The following PCDHA10 variants were observed in gnomAD, a reference collection of about 807,000 sequenced individuals.
PCDHA10 encodes protocadherin alpha-10.
In PCDHA10, 45 loss-of-function variants were observed where a neutral mutation model predicts 61.2. That is an observed-to-expected ratio of 0.74 (90% confidence interval 0.58 to 0.94). The LOEUF (loss-of-function observed/expected upper bound fraction) is 0.94. PCDHA10 is among the 40% of genes least tolerant of loss of function. The probability of loss-of-function intolerance (pLI) is 0.00; values close to 1 mark genes in which losing one functional copy is unlikely to be tolerated. For missense variants in PCDHA10, 1,278 were observed against 1,236.2 expected (o/e 1.03, Z -0.51); for synonymous variants, 602 against 548.8 (o/e 1.10, Z -1.35).
At position 140,892,638 on chromosome 5, in the gene PCDHA10, T is replaced by C. The variant is rs151070567; in HGVS notation, c.2388+34202T>C. Among the ~76,000 whole-genome samples the C allele has an allele frequency of 1.2e-4, 19 of 152,324 alleles. No homozygotes were observed. The East Asian group carries it at 2.5e-3, about 20-fold the overall frequency. ...CCAGTTGGTACATAATAATTGTACA[T>C]ATTTATAGGATACAGAGTGACATTT... is the stretch of plus-strand genomic sequence containing the variant. On this transcript the variant is annotated intron_variant, in intron 1 of 3. Transcript: ENST00000307360.
intron 1 of PCDHA10, chr5:140,967,445 C>T (rs782571799): frequency 3.1e-6 from 5 of 1,613,550 alleles, no homozygotes; most frequent in Non-Finnish European, 4.2e-6. Flanking sequence ...CCACCTGGTT[C>T]TCACAGCCGT....
At chr5:140,968,446 C>T in intron 1 of PCDHA10, 1 of 1,614,046 alleles carries the variant, frequency 6.2e-7, no homozygotes, top group Non-Finnish European at 8.5e-7. Context: ...CACCACTGAG[C>T]AGCACTGTGA....
chr5:140,870,627 G>C, intron 1 of PCDHA10: 4 of 1,613,028 alleles, frequency 2.5e-6, no homozygotes, highest in Non-Finnish European at 3.4e-6. Context: ...GCTACGTGTC[G>C]GTGCACGCGG....
chr5:140,983,275 A>C (rs1279699182), intron 3 of PCDHA10, among the ~76,000 whole-genome samples: 1 of 152,230 alleles, frequency 6.6e-6, no homozygotes, highest in Non-Finnish European at 1.5e-5. Flanking sequence ...TGGCTGGGTG[A>C]GTATAGGAAA....
chr5:140,860,428 T>A (rs1198179293), intron 1 of PCDHA10: 8 of 152,144 alleles, frequency 5.3e-5, no homozygotes, highest in African/African-American at 1.4e-4. Context: ...ATCCTGCAAA[T>A]ATGATCTTTT....
chr5:140,895,692 A>G (rs1367486030), intron 1 of PCDHA10, among the ~76,000 whole-genome samples: 1 of 152,138 alleles, frequency 6.6e-6, no homozygotes, highest in African/African-American at 2.4e-5. Flanking sequence ...CTGTTTCTAT[A>G]TTAATTCACT....
rs560247030 is a variant in PCDHA10, at chr5:140,910,414, C to T, written c.2388+51978C>T. On this transcript the variant is annotated intron_variant, in intron 1 of 3. Transcript: ENST00000307360. ...GACTGGCCCCTGCCACCTCGAGATC[C>T]AATTATTCCCATTGCATTTAAGTTT... Among the ~76,000 whole-genome samples the T allele has an allele frequency of 2.6e-5, 4 of 152,258 alleles. No individual in the cohort carries two copies. In the East Asian group the frequency reaches 5.8e-4, roughly 22 times the overall value.
At chr5:140,922,910 A>C (rs1418606862) in intron 1 of PCDHA10, among the ~76,000 whole-genome samples, 4 of 152,228 alleles carry the variant, frequency 2.6e-5, no homozygotes, top group Admixed American at 2.6e-4. Flanking sequence ...TTGAGATACA[A>C]ATAAACTTCA....
At chr5:140,923,752 G>A (rs1004241488) in intron 1 of PCDHA10, among the ~76,000 whole-genome samples, 1 of 152,186 alleles carries the variant, frequency 6.6e-6, no homozygotes, top group Non-Finnish European at 1.5e-5. Context: ...GAGGCATATG[G>A]TGGGACAAAT....
At chr5:140,875,039 A>G (rs1443862423) in intron 1 of PCDHA10, among the ~76,000 whole-genome samples, 1 of 152,230 alleles carries the variant, frequency 6.6e-6, no homozygotes, top group East Asian at 1.9e-4. Context: ...TATTTGAAAG[A>G]TTTCTACTTT....
At chr5:140,981,982 A>G (rs1026116713) in intron 2 of PCDHA10, among the ~76,000 whole-genome samples, 6 of 152,218 alleles carry the variant, frequency 3.9e-5, no homozygotes, top group Admixed American at 2.0e-4. Context: ...AAAGAGTAAA[A>G]TAGAAAATAA....
intron 1 of PCDHA10, among the ~76,000 whole-genome samples, chr5:140,896,320 C>G (rs1583228292): frequency 6.6e-6 from 1 of 152,182 alleles, no homozygotes; most frequent in Non-Finnish European, 1.5e-5. Context: ...CTGCTTTCCA[C>G]AGTGGCTAAA....
chr5:140,877,121 C>A, intron 1 of PCDHA10: 1 of 1,613,694 alleles, frequency 6.2e-7, no homozygotes, highest in African/African-American at 1.3e-5. Flanking sequence ...AGCAACGTGA[C>A]GCTGCAGGTG....
intron 3 of PCDHA10, among the ~76,000 whole-genome samples, chr5:141,001,278 C>A (rs182360019): frequency 6.6e-6 from 1 of 152,050 alleles, no homozygotes; most frequent in Non-Finnish European, 1.5e-5. Flanking sequence ...ACTTTTTTTA[C>A]GGATGAAAAC....
chr5:140,968,363 G>A, intron 1 of PCDHA10: 1 of 1,614,090 alleles, frequency 6.2e-7, no homozygotes, highest in Non-Finnish European at 8.5e-7. Flanking sequence ...CAGCCTTTAT[G>A]CTGTCAACTC....
chr5:141,000,389 C>CTA (rs2097911342), intron 3 of PCDHA10, among the ~76,000 whole-genome samples: 14 of 62,576 alleles, frequency 2.2e-4, no homozygotes, highest in South Asian at 6.5e-4. Context: ...CTCTCTCTCT[C>CTA]TCTCTCTATA....
intron 3 of PCDHA10, among the ~76,000 whole-genome samples, chr5:141,008,500 A>C (rs2098379990): frequency 6.6e-6 from 1 of 152,072 alleles, no homozygotes; most frequent in African/African-American, 2.4e-5. Context: ...GGTATACTTT[A>C]TGGTGTGTCT....
At chr5:140,984,408 T>G (rs1394037702) in intron 3 of PCDHA10, among the ~76,000 whole-genome samples, 2 of 152,200 alleles carry the variant, frequency 1.3e-5, no homozygotes, top group African/African-American at 2.4e-5. Flanking sequence ...AACCTATCTT[T>G]TTTACAGAGA....
intron 3 of PCDHA10, among the ~76,000 whole-genome samples, chr5:141,007,295 A>G (rs181235064): frequency 1.6e-3 from 250 of 151,912 alleles, no homozygotes; most frequent in Non-Finnish European, 2.9e-3. Context: ...TCATGCCTGT[A>G]ATCTTAGCAT....
Sources: allele counts gnomAD v4.1 joint callset (sites outside exome capture counted in the v4.1 genomes callset), GRCh38; gene constraint gnomAD v4.1.1; transcripts MANE v1.5; gene names NCBI Gene and HGNC (gene_info 2026-07-23, HGNC 2026-07-21).